VPS8: variants seen among roughly 807,000 people sequenced by gnomAD.
VPS8 encodes the protein VPS8 subunit of CORVET complex.
A neutral mutation model predicts 216.4 loss-of-function variants in VPS8; 129 were observed. The observed-to-expected ratio is 0.60, with a 90% confidence interval of 0.52 to 0.69. The LOEUF is 0.69. Ranked by LOEUF, VPS8 falls within the 30% of genes least tolerant of loss-of-function variation. The pLI is 0.00. For missense variants in VPS8, 1,531 were observed against 1,683.5 expected (o/e 0.91, Z 1.59); for synonymous variants, 571 against 565.4 (o/e 1.01, Z -0.14).
At chr3:185,050,710 G>A (rs1714030214) in intron 47 of VPS8, among the ~76,000 whole-genome samples, 1 of 152,232 alleles carries the variant, frequency 6.6e-6, no homozygotes, top group Admixed American at 6.5e-5. Flanking sequence ...ACAGTCACCA[G>A]AGGTTGTTAG....
chr3:184,814,666 T>C (rs1715916341), intron 1 of VPS8, among the ~76,000 whole-genome samples: 1 of 152,138 alleles, frequency 6.6e-6, no homozygotes. Flanking sequence ...TTACCATGGA[T>C]GGAGTTTGCA....
At position 185,020,469 on chromosome 3, in the gene VPS8, CTT is replaced by C. The variant is rs577443262; in HGVS notation, c.4003-3853_4003-3852del. On this transcript the variant is annotated intron_variant, in intron 45 of 47. Coordinates refer to ENST00000625842, the MANE Select transcript of VPS8 (RefSeq NM_001009921.3). ...TCTTTTGTAATCAGTAAAATTAAGG[CTT>C]TTTTTTTTTTTTTGCATTTAAAAAG... 2.8e-3 allele frequency among the ~76,000 whole-genome samples: 360 copies of C among 130,774 alleles called. 2 individuals carry two copies. The highest frequency in any genetic ancestry group is 4.2e-3 in the Non-Finnish European group (255 of 60,216). 85.8% of individuals were successfully genotyped at this position (130,774 alleles called of 152,430 possible).
At chr3:184,965,308 C>G (rs1747219346) in intron 38 of VPS8, among the ~76,000 whole-genome samples, 2 of 152,176 alleles carry the variant, frequency 1.3e-5, no homozygotes, top group South Asian at 4.1e-4. Context: ...TGTGTAGGCT[C>G]TTAATCTCTT....
At chr3:184,922,628 C>T (rs1211516621) in intron 29 of VPS8, 3 of 307,516 alleles carry the variant, frequency 9.8e-6, no homozygotes, top group Admixed American at 4.3e-5. Flanking sequence ...GTTTATCTTG[C>T]GTCAATGAAG....
chr3:185,021,993 C>T (rs1437322829), intron 45 of VPS8, among the ~76,000 whole-genome samples: 1 of 152,096 alleles, frequency 6.6e-6, no homozygotes, highest in Non-Finnish European at 1.5e-5. Context: ...TTGGCCATGT[C>T]CCCACACAAA....
chr3:184,859,299 T>A (rs1489130336), intron 14 of VPS8, among the ~76,000 whole-genome samples: 1 of 152,216 alleles, frequency 6.6e-6, no homozygotes, highest in Non-Finnish European at 1.5e-5. Flanking sequence ...CCATAAACTT[T>A]TATTAAGCAT....
chr3:184,914,521 C>T (rs183077302), intron 26 of VPS8, among the ~76,000 whole-genome samples: 19 of 152,252 alleles, frequency 1.2e-4, no homozygotes, highest in Admixed American at 7.8e-4. Flanking sequence ...TTTGTCCTGT[C>T]GCAGACTTCC....
intron 45 of VPS8, among the ~76,000 whole-genome samples, chr3:185,021,884 G>T (rs1178113050): frequency 6.6e-6 from 1 of 152,202 alleles, no homozygotes; most frequent in Non-Finnish European, 1.5e-5. Context: ...AGAGGCTTGA[G>T]ATCTTGTAAC....
At chr3:184,832,274 C>T (rs1720151141) in intron 3 of VPS8, among the ~76,000 whole-genome samples, 1 of 152,248 alleles carries the variant, frequency 6.6e-6, no homozygotes, top group African/African-American at 2.4e-5. Context: ...CTGTTTCCTA[C>T]CCAGAATGCC....
At chr3:184,813,860 T>C (rs1435154211) in intron 1 of VPS8, 1 of 152,214 alleles carries the variant, frequency 6.6e-6, no homozygotes, top group Non-Finnish European at 1.5e-5. Context: ...TCTTTTGAAT[T>C]TAATGAAGTA....
At chr3:184,894,533 C>G (rs58693904) in intron 22 of VPS8, among the ~76,000 whole-genome samples, 170 bp from the exon 23 acceptor site, 1 of 77,898 alleles carries the variant, frequency 1.3e-5, no homozygotes, top group African/African-American at 3.6e-5. Context: ...TATATATATA[C>G]ACACACACAC....
chr3:184,937,148 G>A (rs1272587646), intron 35 of VPS8, among the ~76,000 whole-genome samples: 1 of 152,184 alleles, frequency 6.6e-6, no homozygotes, highest in Non-Finnish European at 1.5e-5. Context: ...CTATATGCAT[G>A]GTAAATATTG....
chr3:184,986,730 C>T (rs952605001), intron 42 of VPS8, among the ~76,000 whole-genome samples: 1 of 152,206 alleles, frequency 6.6e-6, no homozygotes, highest in Non-Finnish European at 1.5e-5. Context: ...GCCTCAGTTA[C>T]ACAACCAGGC....
At chr3:184,857,665 G>A (rs547406685) in intron 14 of VPS8, among the ~76,000 whole-genome samples, 87 of 152,202 alleles carry the variant, frequency 5.7e-4, no homozygotes, top group African/African-American at 1.8e-3. Context: ...CTTTAATCCC[G>A]TCTTTATGAC....
At chr3:184,885,296 T>C (rs1374047566) in intron 21 of VPS8, among the ~76,000 whole-genome samples, 1 of 152,176 alleles carries the variant, frequency 6.6e-6, no homozygotes, top group African/African-American at 2.4e-5. Flanking sequence ...AGGGAAACCA[T>C]TTCCCTGTAG....
chr3:184,832,019 G>A (rs1459478333), intron 3 of VPS8, among the ~76,000 whole-genome samples: 2 of 152,130 alleles, frequency 1.3e-5, no homozygotes, highest in Non-Finnish European at 2.9e-5. Context: ...TTATGTGTCA[G>A]GCATTATACT....
At chr3:184,905,614 A>C (rs1293561461) in intron 25 of VPS8, among the ~76,000 whole-genome samples, 1 of 115,366 alleles carries the variant, frequency 8.7e-6, no homozygotes, top group African/African-American at 3.8e-5. Context: ...GTAGAAGCTC[A>C]GCTCTTTTTT....
chr3:184,964,612 C>A, intron 38 of VPS8, 55 bp downstream of exon 38: 4 of 1,122,344 alleles, frequency 3.6e-6, no homozygotes, highest in Non-Finnish European at 4.9e-6. Context: ...TCTATTCATT[C>A]ATGAATCCAT....
intron 37 of VPS8, 102 bp downstream of exon 37, chr3:184,957,623 T>A: frequency 7.4e-7 from 1 of 1,342,406 alleles, no homozygotes; most frequent in Non-Finnish European, 9.9e-7. Flanking sequence ...ATTTCTTTTT[T>A]AAACCTTATA....
Sources: allele counts gnomAD v4.1 joint callset (sites outside exome capture counted in the v4.1 genomes callset), GRCh38; gene constraint gnomAD v4.1.1; transcripts MANE v1.5; gene names NCBI Gene and HGNC (gene_info 2026-07-23, HGNC 2026-07-21).